Variants in KLF12 observed in about 807,000 individuals in gnomAD.
KLF12 encodes the protein Krueppel-like factor 12.
In KLF12, 9 loss-of-function variants were observed where a neutral mutation model predicts 37.8. The ratio of observed to expected loss-of-function variants is 0.24; its 90% CI spans 0.14 to 0.42. The LOEUF is 0.42. Among genes scored for constraint, KLF12 ranks in the 10% least tolerant of loss-of-function variants. The pLI is 1.00. For synonymous variants in KLF12, 208 were observed against 202.1 expected (o/e 1.03, Z -0.25); for missense variants, 411 against 516.0 (o/e 0.80, Z 1.97).
At chr13:74,098,638 A>G (rs1876121147) in intron 1 of KLF12, among the ~76,000 whole-genome samples, 1 of 152,242 alleles carries the variant, frequency 6.6e-6, no homozygotes. Flanking sequence ...ATCAAACCTC[A>G]TAGATGGGTT....
chr13:74,153,203 T>C, the KLF12 span, among the ~76,000 whole-genome samples: 7 of 152,214 alleles, frequency 4.6e-5, no homozygotes, highest in African/African-American at 1.7e-4. Context: ...TGGCAGTTTT[T>C]GTATTCCCCA....
chr13:73,868,468 A>C (rs1886301238), intron 3 of KLF12, among the ~76,000 whole-genome samples: 1 of 151,570 alleles, frequency 6.6e-6, no homozygotes, highest in South Asian at 2.1e-4. Flanking sequence ...TCAGCTCACC[A>C]CAACCTCCGC....
chr13:74,021,098 T>C (rs1334849983), intron 1 of KLF12, among the ~76,000 whole-genome samples: 1 of 152,080 alleles, frequency 6.6e-6, no homozygotes, highest in African/African-American at 2.4e-5. Context: ...AAAGGTGGTT[T>C]CACCTAAAGA....
At chr13:73,923,954 T>C (rs1487635832) in intron 3 of KLF12, among the ~76,000 whole-genome samples, 1 of 152,214 alleles carries the variant, frequency 6.6e-6, no homozygotes. Flanking sequence ...TGGAAATAAT[T>C]ATCAAATGAT....
the KLF12 span, among the ~76,000 whole-genome samples, chr13:74,221,034 G>C: frequency 7.0e-6 from 1 of 143,484 alleles, no homozygotes; most frequent in Non-Finnish European, 1.5e-5. Flanking sequence ...GACAGAGTCT[G>C]GCTCTGTCGC....
At chr13:74,242,501 A>T in the KLF12 span, among the ~76,000 whole-genome samples, 1 of 152,326 alleles carries the variant, frequency 6.6e-6, no homozygotes, top group Non-Finnish European at 1.5e-5. Flanking sequence ...TATTCCCATG[A>T]TTCAATTATC....
intron 5 of KLF12, among the ~76,000 whole-genome samples, chr13:73,770,698 T>C (rs1309547453): frequency 6.6e-6 from 1 of 151,736 alleles, no homozygotes; most frequent in Admixed American, 6.6e-5. Context: ...AATTTTTGTA[T>C]TTTTAGTAGA....
intron 4 of KLF12, among the ~76,000 whole-genome samples, chr13:73,836,690 GT>G (rs889128751): frequency 4.6e-5 from 7 of 151,754 alleles, no homozygotes; most frequent in Non-Finnish European, 7.4e-5. Context: ...GAAAAAATTA[GT>G]TTTTTTTAAA....
intron 1 of KLF12, among the ~76,000 whole-genome samples, chr13:74,124,354 T>C (rs977863543): frequency 1.3e-5 from 2 of 152,234 alleles, no homozygotes; most frequent in Non-Finnish European, 2.9e-5. Flanking sequence ...TATGATCTTC[T>C]GCAAAATTTA....
chr13:73,909,332 A>G (rs1264790839), intron 3 of KLF12, among the ~76,000 whole-genome samples: 4 of 152,150 alleles, frequency 2.6e-5, no homozygotes, highest in African/African-American at 9.7e-5. Flanking sequence ...TTGCTTCCTC[A>G]TATATTCCAG....
intron 4 of KLF12, among the ~76,000 whole-genome samples, chr13:73,820,361 T>G (rs1295551120): frequency 1.3e-5 from 2 of 152,178 alleles, no homozygotes; most frequent in African/African-American, 4.8e-5. Flanking sequence ...TATTCTGACT[T>G]CATTTGGTTT....
the KLF12 span, among the ~76,000 whole-genome samples, chr13:74,204,412 C>T: frequency 5.3e-5 from 8 of 152,230 alleles, no homozygotes; most frequent in East Asian, 1.5e-3. Flanking sequence ...ACATTAGACT[C>T]ATTGTTTACA....
intron 1 of KLF12, among the ~76,000 whole-genome samples, chr13:74,034,036 C>A (rs1278817128): frequency 6.6e-6 from 1 of 150,826 alleles, no homozygotes; most frequent in Non-Finnish European, 1.5e-5. Flanking sequence ...GTTTACTGGT[C>A]ATTTACGCAT....
chr13:74,257,544 C>T, the KLF12 span: 10 of 152,276 alleles, frequency 6.6e-5, no homozygotes, highest in African/African-American at 2.4e-4. Context: ...CAAAGTTCAT[C>T]CCCCTCTCCC....
At chr13:73,726,221 C>G (rs1876657771) in intron 6 of KLF12, among the ~76,000 whole-genome samples, 1 of 152,170 alleles carries the variant, frequency 6.6e-6, no homozygotes, top group Non-Finnish European at 1.5e-5. Flanking sequence ...TAAGGTAAAG[C>G]TGACCCAATG....
At position 73,952,230 on chromosome 13, in the gene KLF12, A is replaced by AC. The variant is rs145083489; in HGVS notation, c.34-8161_34-8160insG. ...CTAAAGAACTACCGGATACCAGGTA[A>AC]TTTATAAAGAAATGAGGTTTAACTG... On this transcript the variant is annotated intron_variant, in intron 2 of 7. Coordinates refer to ENST00000377669, the MANE Select transcript of KLF12 (RefSeq NM_007249.5). 1.8e-3 allele frequency among the ~76,000 whole-genome samples: 271 copies of AC among 152,310 alleles called. 3 individuals carry two copies. Among genetic ancestry groups the AC allele is most frequent in the African/African-American group, 6.2e-3 (258 of 41,572 alleles).
intron 4 of KLF12, among the ~76,000 whole-genome samples, chr13:73,818,107 C>T (rs1305361092): frequency 6.6e-6 from 1 of 152,082 alleles, no homozygotes; most frequent in Non-Finnish European, 1.5e-5. Flanking sequence ...TTCTTGGGCC[C>T]TAAGGGGCCA....
chr13:74,050,024 C>T (rs144120383), intron 1 of KLF12, among the ~76,000 whole-genome samples: 16 of 152,008 alleles, frequency 1.1e-4, no homozygotes, highest in African/African-American at 2.4e-4. Context: ...GAAGGACTTA[C>T]GTTTACAGAA....
the KLF12 span, among the ~76,000 whole-genome samples, chr13:74,276,011 G>T: frequency 6.7e-6 from 1 of 150,246 alleles, no homozygotes; most frequent in East Asian, 2.0e-4. Context: ...TGCAGAACGT[G>T]CAGGTTTCTT....
Sources: gnomAD v4.1 joint callset for allele counts (sites outside exome capture counted in the v4.1 genomes callset) on GRCh38, gnomAD v4.1.1 for gene constraint, MANE v1.5 for transcripts, NCBI Gene and HGNC (gene_info 2026-07-23, HGNC 2026-07-21) for gene names.